The following ZNF18 variants were observed in gnomAD, a reference collection of about 807,000 sequenced individuals.
The protein encoded by ZNF18 is zinc finger protein 18.
Under a neutral mutation model 58.1 loss-of-function variants are expected in ZNF18, and 42 were observed. That is an observed-to-expected ratio of 0.72 (90% CI 0.56 to 0.93). ZNF18 has a LOEUF of 0.93. Ranked by LOEUF, ZNF18 falls within the 40% of genes least tolerant of loss-of-function variation. ZNF18 has a pLI of 0.00. For missense variants in ZNF18, 540 were observed against 644.2 expected, an observed-to-expected ratio of 0.84 and a Z score of 1.75; for synonymous variants, 231 against 239.8, an observed-to-expected ratio of 0.96 and a Z score of 0.34.
chr17:11,990,311 T>G, intron 4 of ZNF18, 151 bp downstream of exon 4: 2 of 575,954 alleles, frequency 3.5e-6, no homozygotes, highest in Non-Finnish European at 5.9e-6. Context: ...ATTCTATTTT[T>G]ACAAAACTCT....
Position 11,983,386 on chromosome 17 carries a change from G to T in ZNF18, c.773C>A (p.Ser258Tyr), listed in dbSNP as rs1377490918. Reference protein sequence around the residue: ...VSGAGISHPKSDLTNSIEFGE... With the variant: ...VSGAGISHPKYDLTNSIEFGE... ...AAATTCTATTGAATTAGTCAGGTCA[G>T]ATTTGGGATGGGAAATGCCTGCTAT... The change falls in exon 6 of 7, where the codon TCT (serine) becomes TAT (tyrosine). Residue 258 changes from serine to tyrosine, a missense_variant. Ser to Tyr is a moderately radical substitution (Grantham distance 144). Coordinates refer to ENST00000580306, the MANE Select transcript of ZNF18 (RefSeq NM_001303281.2). The T allele has an allele frequency of 6.2e-7, 1 of 1,613,986 alleles. No homozygotes were observed. Among genetic ancestry groups the T allele is most frequent in the East Asian group, 2.2e-5 (1 of 44,870 alleles).
chr17:12,005,481 A>T, the ZNF18 span, among the ~76,000 whole-genome samples: 1 of 152,200 alleles, frequency 6.6e-6, no homozygotes, highest in Non-Finnish European at 1.5e-5. Context: ...TAGTAGCCAC[A>T]TTTCATCAAA....
chr17:11,981,594 T>G (rs1357522224), intron 6 of ZNF18, among the ~76,000 whole-genome samples: 2 of 147,242 alleles, frequency 1.4e-5, no homozygotes, highest in Non-Finnish European at 3.0e-5. Flanking sequence ...CACATCTGGT[T>G]AAAGGCAGTA....
chr17:12,004,650 G>A, the ZNF18 span, among the ~76,000 whole-genome samples: 1 of 152,256 alleles, frequency 6.6e-6, no homozygotes, highest in South Asian at 2.1e-4. Flanking sequence ...CACTTTGGGA[G>A]GCCGAGGCAG....
At chr17:11,997,509 G>T (rs748665323), upstream of ZNF18, 2 of 152,272 alleles carry the variant, frequency 1.3e-5, no homozygotes, top group Non-Finnish European at 2.9e-5. Context: ...GGCGAACGAC[G>T]TGCGGCACCG....
chr17:11,998,206 C>G (rs1328410214), upstream of ZNF18: 1 of 152,304 alleles, frequency 6.6e-6, no homozygotes, highest in Non-Finnish European at 1.5e-5. Flanking sequence ...TCCCTCGGCT[C>G]AGTTCCACAC....
chr17:11,992,512 T>C lies in ZNF18; in HGVS notation c.318A>G (p.Pro106=), dbSNP rs1229410756. The C allele has an allele frequency of 8.1e-6, 13 of 1,614,232 alleles. No homozygotes were observed. The highest frequency in any genetic ancestry group is 1.1e-5 in the Non-Finnish European group (13 of 1,180,036). Residue 106 remains proline, a synonymous_variant, in exon 2 of 7, where the codon CCA becomes CCG. Transcript: ENST00000580306. The stretch of plus-strand genomic sequence containing the variant: ...GGGTCACTGCCTCTTCTCCACTTCC[T>C]GGACACTGTTTCCGCACCCACATCT... ...EIQMWVRKQC[P]GSGEEAVTLV...
chr17:12,018,921 G>T, the ZNF18 span, among the ~76,000 whole-genome samples: 34,252 of 150,232 alleles, frequency 0.23, 4,040 homozygotes, highest in Middle Eastern at 0.26. Flanking sequence ...CTAGGTTGAA[G>T]GTTTTCCTAT....
Position 11,992,352 on chromosome 17 carries a change from C to A in ZNF18, c.387+91G>T, listed in dbSNP as rs1183695833. 22 of 1,502,370 alleles carry A rather than the reference C, an allele frequency of 1.5e-5. No individual in the cohort carries two copies. The East Asian group carries it at 5.0e-4, about 34-fold the overall frequency. The allele number at this position is 1,502,370 out of a possible 1,614,324, so 93.1% of individuals were successfully genotyped here. ...GTGAAAAGCCCCACCCATTTTGTGT[C>A]ATAAGTGGTATCAGAAAAAAGACAA... On this transcript the variant is annotated intron_variant, in intron 2 of 6. Transcript: ENST00000580306.
chr17:12,009,711 C>T, the ZNF18 span, among the ~76,000 whole-genome samples: 1 of 152,064 alleles, frequency 6.6e-6, no homozygotes, highest in South Asian at 2.1e-4. Context: ...CCTCAGCCTC[C>T]CAAAGTGCTG....
intron 4 of ZNF18, among the ~76,000 whole-genome samples, chr17:11,989,547 A>C (rs1967968477): frequency 6.6e-6 from 1 of 152,218 alleles, no homozygotes; most frequent in South Asian, 2.1e-4. Context: ...TAAAGCCCCA[A>C]ATCAAACTTC....
the ZNF18 span, among the ~76,000 whole-genome samples, chr17:12,007,409 AC>A: frequency 2.0e-5 from 3 of 152,100 alleles, no homozygotes; most frequent in African/African-American, 7.2e-5. Flanking sequence ...ACCTTCCACC[AC>A]CCAGAATTCT....
Position 11,978,448 on chromosome 17 carries a change from G to A in ZNF18, c.1159C>T (p.Leu387Phe), listed in dbSNP as rs1451757354. The A allele has an allele frequency of 6.4e-7, 1 of 1,569,560 alleles. No individual in the cohort carries two copies. The highest frequency in any genetic ancestry group is 1.4e-5 in the African/African-American group (1 of 73,462). The change falls in exon 7 of 7, where the codon CTT becomes TTT. Residue 387 changes from leucine (L) to phenylalanine (F), a missense_variant. By Grantham distance (22) the Leu-to-Phe change is conservative. Coordinates refer to ENST00000580306, the MANE Select transcript of ZNF18 (RefSeq NM_001303281.2). ...TGGGAGGTCTCTCTCTTCTCCTCAA[G>A]CCACATGGTGGACATTTCTCCTGAA... ...PHSGEMSTMWLEEKRETSQKG... is the reference protein window; with the variant it reads ...PHSGEMSTMWFEEKRETSQKG...
At chr17:12,015,282 A>ATG in the ZNF18 span, among the ~76,000 whole-genome samples, 1 of 152,220 alleles carries the variant, frequency 6.6e-6, no homozygotes, top group Admixed American at 6.5e-5. Flanking sequence ...GTGGTCTCAC[A>ATG]TAAGACCACA....
intron 6 of ZNF18, among the ~76,000 whole-genome samples, chr17:11,979,915 A>C (rs1181291212): frequency 6.6e-6 from 1 of 152,250 alleles, no homozygotes; most frequent in Non-Finnish European, 1.5e-5. Flanking sequence ...AGAAGATGTC[A>C]TAATAAACAT....
the ZNF18 span, chr17:12,010,918 T>C: frequency 1.8e-6 from 1 of 569,448 alleles, no homozygotes; most frequent in South Asian, 1.9e-5. Flanking sequence ...GGAAGCTATC[T>C]TGGCTCTTCA....
chr17:12,001,365 T>C (rs754309528), upstream of ZNF18, among the ~76,000 whole-genome samples: 8 of 152,200 alleles, frequency 5.3e-5, no homozygotes, highest in East Asian at 1.9e-4. Flanking sequence ...CGCGGTGGCT[T>C]ACACCTGTAA....
At chr17:12,004,629 T>C in the ZNF18 span, among the ~76,000 whole-genome samples, 2 of 152,184 alleles carry the variant, frequency 1.3e-5, no homozygotes, top group Non-Finnish European at 2.9e-5. Context: ...GGCTGAAGCC[T>C]GTAATCCCAG....
At chr17:11,984,830 G>A (rs774975325) in intron 4 of ZNF18, among the ~76,000 whole-genome samples, 3 of 151,990 alleles carry the variant, frequency 2.0e-5, no homozygotes, top group African/African-American at 7.2e-5. Context: ...TTTTGTTTTT[G>A]TTTTTGTTTT....
Sources: allele counts gnomAD v4.1 joint callset (sites outside exome capture counted in the v4.1 genomes callset), GRCh38; gene constraint gnomAD v4.1.1; transcripts MANE v1.5; gene names NCBI Gene and HGNC (gene_info 2026-07-23, HGNC 2026-07-21).